Variants in LNPEP observed in about 807,000 individuals in gnomAD.
LNPEP encodes the protein leucyl-cystinyl aminopeptidase.
In LNPEP, 64 loss-of-function variants were observed where a neutral mutation model predicts 120.6. The observed-to-expected ratio is 0.53, with a 90% CI of 0.43 to 0.65. The LOEUF (loss-of-function observed/expected upper bound fraction) is 0.65. LNPEP is among the 30% of genes least tolerant of loss of function. The pLI, the probability that LNPEP is intolerant of heterozygous loss-of-function variation, is 0.00. For missense variants in LNPEP, 1,057 were observed against 1,200.0 expected (o/e 0.88, Z 1.76); for synonymous variants, 435 against 425.4 (o/e 1.02, Z -0.28).
rs1220783206 is a variant in LNPEP at position 97,004,119 on chromosome 5, A to G, written c.1785+573A>G. 2.0e-5 allele frequency among the ~76,000 whole-genome samples: 3 copies of G among 152,254 alleles called. No individual in the cohort carries two copies. In the East Asian group the frequency reaches 5.8e-4, roughly 29 times the overall value. On this transcript the variant is annotated intron_variant, in intron 9 of 17. Transcript: ENST00000231368. The stretch of plus-strand genomic sequence containing the variant: ...TAGAAGTTACACTTCAAAGCAGCAC[A>G]TGAACCCGGGCTGCTTCATGCATGT...
At position 97,003,515 on chromosome 5, in the gene LNPEP, A is replaced by G. The variant is rs1790705103; in HGVS notation, c.1754A>G (p.Gln585Arg). The G allele has an allele frequency of 6.2e-7, 1 of 1,606,404 alleles. No individual in the cohort carries two copies. Among genetic ancestry groups the G allele is most frequent in the Non-Finnish European group, 8.5e-7 (1 of 1,175,812 alleles). ...YLHNHSYASIQSDDLWDSFNE... is the reference protein window; with the variant it reads ...YLHNHSYASIRSDDLWDSFNE... ...CATAATCACAGCTATGCATCTATTCAAAGTGATGATCTGTGGGATAGTTTT... is the reference window on the plus strand; with the variant it reads ...CATAATCACAGCTATGCATCTATTCGAAGTGATGATCTGTGGGATAGTTTT... Residue 585 changes from glutamine (Q) to arginine (R), a missense_variant, in exon 9 of 18, where the codon CAA (glutamine) becomes CGA (arginine). Physicochemically the swap from Gln to Arg is conservative, Grantham distance 43 (BLOSUM62 1). Transcript: ENST00000231368.
intron 1 of LNPEP, among the ~76,000 whole-genome samples, chr5:96,972,825 ATCT>A (rs555841621): frequency 6.6e-6 from 1 of 152,078 alleles, no homozygotes; most frequent in Non-Finnish European, 1.5e-5. Flanking sequence ...TTGCTCGCTG[ATCT>A]TCTCGCCTCC....
Position 96,993,075 on chromosome 5 carries a change from G to T in LNPEP, c.1192G>T (p.Val398Leu), listed in dbSNP as rs1790429163. Residue 398 changes from valine (V) to leucine (L), a missense_variant, in exon 5 of 18, where the codon GTG becomes TTG. Val to Leu is a conservative substitution (Grantham distance 32). Transcript: ENST00000231368. Reference sequence around the variant, plus strand: ...AGTTCATTATGCCTTGGAAACAACTGTGAAGCTTCTTGAGTTTTTTCAAAA... The same window carrying T: ...AGTTCATTATGCCTTGGAAACAACTTTGAAGCTTCTTGAGTTTTTTCAAAA... The part of the protein sequence containing the change: ...GQVHYALETT[V>L]KLLEFFQNYF... 6.3e-7 allele frequency: 1 copy of T among 1,598,818 alleles called. No individual in the cohort carries two copies. Among genetic ancestry groups the T allele is most frequent in the African/African-American group, 1.3e-5 (1 of 74,614 alleles).
At position 96,963,232 on chromosome 5, in the gene LNPEP, A is replaced by G. The variant is rs557233760; in HGVS notation, c.20-15906A>G. Among the ~76,000 whole-genome samples, 20 of 152,336 alleles carry G rather than the reference A, an allele frequency of 1.3e-4. No individual in the cohort carries two copies. In the South Asian group the frequency reaches 3.1e-3, roughly 24 times the overall value. ...GTATACCAAAACATTAATTGTGATA[A>G]TAGTGTAGTGATCAATTTATGAATG... is the stretch of plus-strand genomic sequence containing the variant. On this transcript the variant is annotated intron_variant, in intron 1 of 17. Transcript: ENST00000231368.
At chr5:97,015,776 C>T (rs922189627) in intron 13 of LNPEP, among the ~76,000 whole-genome samples, 1 of 151,968 alleles carries the variant, frequency 6.6e-6, no homozygotes, top group Non-Finnish European at 1.5e-5. Flanking sequence ...TCCCAGGGAC[C>T]CAGGCAAAAG....
intron 1 of LNPEP, among the ~76,000 whole-genome samples, chr5:96,961,906 A>T (rs1046279453): frequency 2.0e-5 from 3 of 152,080 alleles, no homozygotes; most frequent in African/African-American, 7.2e-5. Flanking sequence ...TTAATGAGAG[A>T]AAGGGGAGAG....
intron 4 of LNPEP, among the ~76,000 whole-genome samples, chr5:96,987,885 T>C (rs1444633918): frequency 1.3e-5 from 2 of 152,210 alleles, no homozygotes; most frequent in Non-Finnish European, 2.9e-5. Flanking sequence ...TTTGCAGCCT[T>C]GATAAAGCCT....
At position 96,955,052 on chromosome 5, in the gene LNPEP, G is replaced by C. The variant is rs528224711; in HGVS notation, c.19+18878G>C. On this transcript the variant is annotated intron_variant, in intron 1 of 17. Transcript: ENST00000231368. ...CTGCCTCGGCCTCCCAAAGTGCTGG[G>C]ATTACAGGCGTGAGCCACCGCGCCC... 9.2e-3 allele frequency among the ~76,000 whole-genome samples: 1,381 copies of C among 150,362 alleles called. 21 individuals carry two copies. Among genetic ancestry groups the C allele is most frequent in the African/African-American group, 0.031 (1,297 of 41,202 alleles).
chr5:97,003,932 C>A (rs546200113), intron 9 of LNPEP, among the ~76,000 whole-genome samples: 1 of 152,126 alleles, frequency 6.6e-6, no homozygotes, highest in South Asian at 2.1e-4. Flanking sequence ...TTTTCTGCCT[C>A]TTTTGAATGA....
chr5:96,980,472 A>C (rs1035791182), intron 2 of LNPEP, among the ~76,000 whole-genome samples: 3 of 152,166 alleles, frequency 2.0e-5, no homozygotes, highest in African/African-American at 7.2e-5. Context: ...TTAAAATGCC[A>C]GTCTATTTTG....
At chr5:97,011,387 C>T (rs1326701024) in intron 11 of LNPEP, 2 of 160,450 alleles carry the variant, frequency 1.2e-5, no homozygotes, top group Admixed American at 1.3e-4. Context: ...CATGTGTCAC[C>T]ATGCGGGCTA....
chr5:97,027,923 A>C (rs1238412996), intron 17 of LNPEP, 109 bp downstream of exon 17: 12 of 707,750 alleles, frequency 1.7e-5, no homozygotes, highest in Non-Finnish European at 2.6e-6. Flanking sequence ...TCCTTCTCTT[A>C]TCTCTGTCTT....
rs1159863547 is a variant in LNPEP, at chr5:97,029,182, T to G, written c.*649T>G. 6.6e-6 allele frequency: 1 copy of G among 152,392 alleles called. No homozygotes were observed. The highest frequency in any genetic ancestry group is 1.5e-5 in the Non-Finnish European group (1 of 68,040). The allele number at this position is 152,392 out of a possible 1,614,324, so 9.4% of individuals were successfully genotyped here. Reference sequence around the variant, plus strand: ...CAGATTTTTAAAATTTTTGTTGTATTGAAAAGCTAAACAAGGCCAAAAGGT... The same window carrying G: ...CAGATTTTTAAAATTTTTGTTGTATGGAAAAGCTAAACAAGGCCAAAAGGT... On this transcript the variant is annotated 3_prime_UTR_variant, in exon 18 of 18. Coordinates refer to ENST00000231368, the MANE Select transcript of LNPEP (RefSeq NM_005575.3).
At chr5:96,971,486 T>G (rs1239055410) in intron 1 of LNPEP, among the ~76,000 whole-genome samples, 1 of 151,912 alleles carries the variant, frequency 6.6e-6, no homozygotes, top group Non-Finnish European at 1.5e-5. Flanking sequence ...GATATTTTCT[T>G]CTGCTGCATT....
Position 97,006,229 on chromosome 5 carries a change from A to G in LNPEP, c.1942A>G (p.Thr648Ala), listed in dbSNP as rs1790778665. 1.9e-6 allele frequency: 3 copies of G among 1,601,844 alleles called. No individual in the cohort carries two copies. The highest frequency in any genetic ancestry group is 1.7e-6 in the Non-Finnish European group (2 of 1,175,070). Residue 648 changes from threonine to alanine, a missense_variant, in exon 10 of 18, where the codon ACA becomes GCA. Thr to Ala is a moderately conservative substitution (Grantham distance 58, BLOSUM62 0). Coordinates refer to ENST00000231368, the MANE Select transcript of LNPEP (RefSeq NM_005575.3). ...GAAGCCTGAAATTCAGCCTTCAGAT[A>G]CAAGGTACATGCCCTCTTTCTTTTC... is the stretch of plus-strand genomic sequence containing the variant. ...NMKPEIQPSD[T>A]SYLWHIPLSY...
At position 97,012,119 on chromosome 5, in the gene LNPEP, A is replaced by G. The variant is rs184225183; in HGVS notation, c.2036-1529A>G. Among the ~76,000 whole-genome samples the G allele has an allele frequency of 1.8e-4, 28 of 152,316 alleles. 1 individual carries two copies. In the East Asian group the frequency reaches 5.2e-3, roughly 28 times the overall value. The stretch of plus-strand genomic sequence containing the variant: ...TAGTGAACATTTTAAAACAGCCTAA[A>G]TTGTTCAAAATAGATTGGATAAACT... On this transcript the variant is annotated intron_variant, in intron 11 of 17. Transcript: ENST00000231368.
chr5:96,958,340 A>G, intron 1 of LNPEP: 4 of 341,026 alleles, frequency 1.2e-5, no homozygotes, highest in Non-Finnish European at 1.7e-5. Context: ...TTTTCCAGTG[A>G]TTTCAGCTGA....
intron 8 of LNPEP, 55 bp downstream of exon 8, chr5:96,998,200 C>A: frequency 3.1e-6 from 4 of 1,287,582 alleles, no homozygotes; most frequent in South Asian, 1.3e-5. Context: ...CGTATAATTT[C>A]GTATGTGAGC....
intron 1 of LNPEP, 47 bp from the exon 2 acceptor site, chr5:96,979,089 CTT>C (rs747444209): frequency 7.1e-7 from 1 of 1,404,892 alleles, no homozygotes. Context: ...ATATTATGAG[CTT>C]TTTTTTTTCT....
Sources: gnomAD v4.1 joint callset for allele counts (sites outside exome capture counted in the v4.1 genomes callset) on GRCh38, gnomAD v4.1.1 for gene constraint, MANE v1.5 for transcripts, NCBI Gene and HGNC (gene_info 2026-07-23, HGNC 2026-07-21) for gene names.